Variants in LIMK2 observed in about 807,000 individuals in gnomAD.
The protein encoded by LIMK2 is LIM domain kinase 2.
In LIMK2, 35 loss-of-function variants were observed where a neutral mutation model predicts 75.7. That is an observed-to-expected ratio of 0.46 (90% confidence interval 0.35 to 0.61). LIMK2 has a LOEUF of 0.61. Ranked by LOEUF, LIMK2 falls within the 20% of genes least tolerant of loss-of-function variation. LIMK2 has a pLI of 0.00. For synonymous variants in LIMK2, 301 were observed against 319.2 expected (o/e 0.94, Z 0.61); for missense variants, 623 against 831.0 (o/e 0.75, Z 3.08).
At chr22:31,260,908 T>C (rs2048831573) in intron 5 of LIMK2, among the ~76,000 whole-genome samples, 1 of 152,146 alleles carries the variant, frequency 6.6e-6, no homozygotes, top group Non-Finnish European at 1.5e-5. Context: ...ATCCAGCAGA[T>C]CCATTGAGAG....
chr22:31,249,676 G>A (rs1332697847), intron 2 of LIMK2, among the ~76,000 whole-genome samples: 3 of 152,268 alleles, frequency 2.0e-5, no homozygotes, highest in South Asian at 2.1e-4. Flanking sequence ...GGTCCTGGTC[G>A]ACTTTTCCCT....
intron 7 of LIMK2, 113 bp from the exon 8 acceptor site, chr22:31,265,833 T>C (rs2048888170): frequency 1.2e-6 from 1 of 810,834 alleles, no homozygotes. Flanking sequence ...AATAATAACA[T>C]CTAAACTATA....
intron 2 of LIMK2, among the ~76,000 whole-genome samples, chr22:31,237,516 A>T (rs1245093771): frequency 6.6e-6 from 1 of 151,500 alleles, no homozygotes; most frequent in Non-Finnish European, 1.5e-5. Context: ...GTGTGCTGAG[A>T]TCGCGCCACT....
At chr22:31,220,609 G>A (rs909102446) in intron 1 of LIMK2, among the ~76,000 whole-genome samples, 1 of 152,164 alleles carries the variant, frequency 6.6e-6, no homozygotes, top group Non-Finnish European at 1.5e-5. Flanking sequence ...TGTAAAATAG[G>A]TATAGACAAA....
At chr22:31,220,738 A>G (rs2123767051) in intron 1 of LIMK2, among the ~76,000 whole-genome samples, 1 of 152,310 alleles carries the variant, frequency 6.6e-6, no homozygotes, top group South Asian at 2.1e-4. Flanking sequence ...CGAGGTGGGC[A>G]GACCACCTGA....
At chr22:31,216,399 T>C (rs1308753478) in intron 1 of LIMK2, among the ~76,000 whole-genome samples, 1 of 152,134 alleles carries the variant, frequency 6.6e-6, no homozygotes, top group Non-Finnish European at 1.5e-5. Context: ...CAGCTGAGAA[T>C]GTGGGTGCAA....
At chr22:31,268,122 A>C (rs202171240) in intron 10 of LIMK2, 22 bp from the exon 11 acceptor site, 421 of 1,613,336 alleles carry the variant, frequency 2.6e-4, no homozygotes, top group Non-Finnish European at 3.4e-4. Context: ...ACAGCCTCTG[A>C]AAATCATTCC....
rs953156069 is a variant in LIMK2, at chr22:31,243,459, G to T, written c.117-14832G>T. 2.6e-5 allele frequency among the ~76,000 whole-genome samples: 4 copies of T among 152,156 alleles called. No homozygotes were observed. The South Asian group carries it at 6.2e-4, about 24-fold the overall frequency. ...AATTGTTTGACCAGAGCTTTCTTCC[G>T]ACAAAAGGTTGGGGTGATTCATTCA... On this transcript the variant is annotated intron_variant, in intron 2 of 15. Transcript: ENST00000331728.
At position 31,278,595 on chromosome 22, in the gene LIMK2, A is replaced by C; in HGVS notation, c.*154A>C. The C allele has an allele frequency of 1.5e-6, 1 of 670,116 alleles. No homozygotes were observed. Among genetic ancestry groups the C allele is most frequent in the Non-Finnish European group, 2.3e-6 (1 of 429,852 alleles). The allele number at this position is 670,116 out of a possible 1,614,324, so 41.5% of individuals were successfully genotyped here. On this transcript the variant is annotated 3_prime_UTR_variant, in exon 16 of 16. Transcript: ENST00000331728. ...ATTCCTATTACCTCCCCAGGAGGCAAGTGGGCGCAGCACCAGGGAAATGTA... is the reference window on the plus strand; with the variant it reads ...ATTCCTATTACCTCCCCAGGAGGCACGTGGGCGCAGCACCAGGGAAATGTA...
At chr22:31,274,100 A>G (rs1190604223) in intron 14 of LIMK2, among the ~76,000 whole-genome samples, 2 of 151,702 alleles carry the variant, frequency 1.3e-5, no homozygotes, top group Non-Finnish European at 2.9e-5. Context: ...AGAATTCCAG[A>G]AGGAAGGGCA....
chr22:31,258,367 T>TG lies in LIMK2; in HGVS notation c.198dup (p.Lys67GlufsTer40). 1 of 1,614,136 alleles carries TG rather than the reference T, an allele frequency of 6.2e-7. No individual in the cohort carries two copies. Among genetic ancestry groups the TG allele is most frequent in the Non-Finnish European group, 8.5e-7 (1 of 1,179,998 alleles). On this transcript the variant is annotated frameshift_variant, in exon 3 of 16. Transcript: ENST00000331728. LOFTEE classifies it high-confidence loss of function. Reference sequence around the variant, plus strand: ...GAAGCTCTACTGCCCCAAGGACTACTGGGGGAAGTTTGGGGAGTTCTGTCA... The same window carrying TG: ...GAAGCTCTACTGCCCCAAGGACTACTGGGGGGAAGTTTGGGGAGTTCTGTCA...
chr22:31,227,461 C>G (rs892889589), intron 2 of LIMK2, among the ~76,000 whole-genome samples: 5 of 152,234 alleles, frequency 3.3e-5, no homozygotes, highest in African/African-American at 1.2e-4. Context: ...AAGCAACCAT[C>G]ATTATTATCC....
intron 12 of LIMK2, among the ~76,000 whole-genome samples, chr22:31,271,878 A>G (rs989018707): frequency 2.0e-5 from 3 of 152,112 alleles, no homozygotes; most frequent in African/African-American, 7.2e-5. Context: ...TAGGAATAAG[A>G]CAGGACAGGG....
Position 31,269,516 on chromosome 22 carries a change from A to AGCACTTTT in LIMK2, c.1317+1317_1317+1324dup, listed in dbSNP as rs577940873. On this transcript the variant is annotated intron_variant, in intron 11 of 15. Coordinates refer to ENST00000331728, the MANE Select transcript of LIMK2 (RefSeq NM_005569.4). ...CACAGTGGCTCATGCCTGTAATCCCAGCACTTTTTTGGGAGGCCGAGGTGA... is the reference window on the plus strand; with the variant it reads ...CACAGTGGCTCATGCCTGTAATCCCAGCACTTTTGCACTTTTTTGGGAGGCCGAGGTGA... 1.6e-4 allele frequency among the ~76,000 whole-genome samples: 24 copies of AGCACTTTT among 152,122 alleles called. No individual in the cohort carries two copies. The South Asian group carries it at 4.8e-3, about 30-fold the overall frequency.
At chr22:31,246,758 CAA>C (rs11317931) in intron 2 of LIMK2, among the ~76,000 whole-genome samples, 21 of 112,996 alleles carry the variant, frequency 1.9e-4, no homozygotes, top group Admixed American at 2.7e-4. Flanking sequence ...GACCCTGACT[CAA>C]AAAAAAAAAA....
intron 13 of LIMK2, 124 bp downstream of exon 13, chr22:31,272,828 T>A: frequency 7.0e-7 from 1 of 1,419,546 alleles, no homozygotes; most frequent in Non-Finnish European, 9.2e-7. Context: ...GAGCTGAGGA[T>A]ATTTTTCCCT....
chr22:31,263,578 G>A (rs943974802), intron 7 of LIMK2, among the ~76,000 whole-genome samples: 4 of 152,076 alleles, frequency 2.6e-5, no homozygotes, highest in Non-Finnish European at 4.4e-5. Flanking sequence ...CGTGGCTCAT[G>A]CCTGTAATCC....
At chr22:31,254,827 C>CA (rs1289800976) in intron 2 of LIMK2, among the ~76,000 whole-genome samples, 1 of 152,104 alleles carries the variant, frequency 6.6e-6, no homozygotes, top group Non-Finnish European at 1.5e-5. Flanking sequence ...GGTGTGGTGG[C>CA]ATGCGCCAGT....
intron 2 of LIMK2, among the ~76,000 whole-genome samples, chr22:31,246,548 A>G (rs1568990802): frequency 6.6e-6 from 1 of 152,016 alleles, no homozygotes; most frequent in African/African-American, 2.4e-5. Flanking sequence ...CTTTACAGAA[A>G]AAGTGCCTTG....
Sources: gnomAD v4.1 joint callset for allele counts (sites outside exome capture counted in the v4.1 genomes callset) on GRCh38, gnomAD v4.1.1 for gene constraint, MANE v1.5 for transcripts, NCBI Gene and HGNC (gene_info 2026-07-23, HGNC 2026-07-21) for gene names.